The following SND1 variants were observed in gnomAD, a reference collection of about 807,000 sequenced individuals.
SND1 encodes the protein staphylococcal nuclease and tudor domain containing 1, also known as staphylococcal nuclease domain-containing protein 1.
SND1 carries 38 observed loss-of-function variants against 121.7 expected under a neutral mutation model. The ratio of observed to expected loss-of-function variants is 0.31; its 90% CI spans 0.24 to 0.41. SND1 has a LOEUF of 0.41. Among genes scored for constraint, SND1 ranks in the 10% least tolerant of loss-of-function variants. The probability of loss-of-function intolerance (pLI) is 1.00; values close to 1 mark genes in which losing one functional copy is unlikely to be tolerated. For synonymous variants in SND1, 401 were observed against 447.4 expected (o/e 0.90, Z 1.31); for missense variants, 868 against 1,184.6 (o/e 0.73, Z 3.92).
intron 12 of SND1, among the ~76,000 whole-genome samples, chr7:127,854,580 AT>A (rs1799235839): frequency 7.3e-6 from 1 of 137,448 alleles, no homozygotes; most frequent in African/African-American, 2.6e-5. Context: ...TTATTTATTT[AT>A]TTAGAATAGT....
intron 10 of SND1, among the ~76,000 whole-genome samples, chr7:127,741,260 A>G (rs1305415716): frequency 3.9e-5 from 6 of 152,208 alleles, no homozygotes; most frequent in Non-Finnish European, 1.5e-5. Context: ...ATTTCATTCC[A>G]GGCTTGATTT....
chr7:127,755,145 T>A (rs1023716154), intron 10 of SND1, among the ~76,000 whole-genome samples: 3 of 152,182 alleles, frequency 2.0e-5, no homozygotes, highest in African/African-American at 7.2e-5. Flanking sequence ...ATAACTGATA[T>A]CTACTTCCTG....
intron 15 of SND1, among the ~76,000 whole-genome samples, chr7:127,944,005 C>T (rs899178689): frequency 6.6e-6 from 1 of 152,334 alleles, no homozygotes; most frequent in Admixed American, 6.5e-5. Context: ...AGCCATCCAG[C>T]CCTCTTGCAG....
chr7:127,998,719 G>A (rs562053900), intron 16 of SND1: 2 of 152,236 alleles, frequency 1.3e-5, no homozygotes, highest in Non-Finnish European at 2.9e-5. Flanking sequence ...AATGAAAGTG[G>A]CATCACAAGG....
At chr7:127,798,194 T>A (rs540581089) in intron 10 of SND1, among the ~76,000 whole-genome samples, 1 of 152,338 alleles carries the variant, frequency 6.6e-6, no homozygotes, top group Non-Finnish European at 1.5e-5. Flanking sequence ...TTGCTTTACT[T>A]CTTCCCTCTT....
In SND1 at chr7:127,694,451, A is replaced by G. The variant is rs1299624851; in HGVS notation, c.229-377A>G. Among the ~76,000 whole-genome samples, 17 of 152,200 alleles carry G rather than the reference A, an allele frequency of 1.1e-4. No homozygotes were observed. In the South Asian group the frequency reaches 1.2e-3, roughly 11 times the overall value. On this transcript the variant is annotated intron_variant, in intron 2 of 23. Transcript: ENST00000354725. ...CCCATTTGAAGGAGTGGGTTGATAT[A>G]TATACAGCATTTAGAGCAGTGGCTG...
chr7:127,824,381 C>T (rs1455894062), intron 11 of SND1, among the ~76,000 whole-genome samples: 1 of 152,108 alleles, frequency 6.6e-6, no homozygotes, highest in Non-Finnish European at 1.5e-5. Flanking sequence ...AAGCCATATT[C>T]CGTGATGTAG....
At position 127,733,138 on chromosome 7, in the gene SND1, T is replaced by TG. The variant is rs959210043; in HGVS notation, c.1152+11739dup. Among the ~76,000 whole-genome samples, 53 of 152,186 alleles carry TG rather than the reference T, an allele frequency of 3.5e-4. 3 individuals are homozygous for TG. ...TTGGTCTTCATTATTACTGTCTTGG[T>TG]GTTGGTCAGGATTAATATAAGGGAG... On this transcript the variant is annotated intron_variant, in intron 10 of 23. Transcript: ENST00000354725.
At chr7:127,958,708 A>G (rs1801658000) in intron 15 of SND1, among the ~76,000 whole-genome samples, 1 of 152,062 alleles carries the variant, frequency 6.6e-6, no homozygotes. Context: ...TGCCTGCTCC[A>G]TTTTGAAAGA....
At chr7:127,798,272 C>T (rs971895387) in intron 10 of SND1, among the ~76,000 whole-genome samples, 12 of 152,172 alleles carry the variant, frequency 7.9e-5, no homozygotes, top group Non-Finnish European at 1.5e-4. Context: ...AAGACTGTTT[C>T]TTGGAATTGC....
chr7:127,777,588 A>T (rs1246510636), intron 10 of SND1, among the ~76,000 whole-genome samples: 1 of 152,216 alleles, frequency 6.6e-6, no homozygotes, highest in Non-Finnish European at 1.5e-5. Context: ...ATGAGATGGG[A>T]TATTACATTA....
intron 16 of SND1, among the ~76,000 whole-genome samples, chr7:128,062,048 C>G (rs192986330): frequency 1.6e-3 from 246 of 152,364 alleles, no homozygotes; most frequent in Non-Finnish European, 2.9e-3. Flanking sequence ...CCACAGTGTC[C>G]AGATCTTCTC....
intron 15 of SND1, among the ~76,000 whole-genome samples, chr7:127,972,013 A>G (rs1249849443): frequency 6.6e-6 from 1 of 151,796 alleles, no homozygotes; most frequent in Non-Finnish European, 1.5e-5. Flanking sequence ...GAGCTCAGAC[A>G]GTCCACCCGC....
intron 10 of SND1, among the ~76,000 whole-genome samples, chr7:127,744,883 G>T (rs1796949876): frequency 6.6e-6 from 1 of 152,196 alleles, no homozygotes; most frequent in South Asian, 2.1e-4. Flanking sequence ...CAAACTCTGA[G>T]ATGAACACGA....
At chr7:127,756,709 C>T (rs1797203424) in intron 10 of SND1, among the ~76,000 whole-genome samples, 1 of 152,222 alleles carries the variant, frequency 6.6e-6, no homozygotes, top group Admixed American at 6.5e-5. Context: ...CCCCAAATCA[C>T]TTACCTGTCC....
chr7:127,686,057 A>G (rs1247915058), intron 1 of SND1: 1 of 152,232 alleles, frequency 6.6e-6, no homozygotes, highest in Non-Finnish European at 1.5e-5. Flanking sequence ...CACCTAGCTG[A>G]TTTTGTATTT....
At chr7:128,090,628 A>G (rs1157462508) in intron 22 of SND1, among the ~76,000 whole-genome samples, 1 of 152,064 alleles carries the variant, frequency 6.6e-6, no homozygotes, top group Non-Finnish European at 1.5e-5. Context: ...TGAAAACCAA[A>G]CACTTTCCTC....
chr7:127,836,430 G>C (rs370393849), intron 11 of SND1, among the ~76,000 whole-genome samples: 12 of 152,152 alleles, frequency 7.9e-5, no homozygotes, highest in Non-Finnish European at 1.5e-4. Flanking sequence ...GATTTGGAAG[G>C]GGGTGTTAGA....
intron 16 of SND1, among the ~76,000 whole-genome samples, chr7:128,005,671 T>C (rs1563085989): frequency 6.6e-6 from 1 of 152,214 alleles, no homozygotes; most frequent in Non-Finnish European, 1.5e-5. Context: ...CCTGCTTTGA[T>C]AGGAATGAGA....
Sources: gnomAD v4.1 joint callset for allele counts (sites outside exome capture counted in the v4.1 genomes callset) on GRCh38, gnomAD v4.1.1 for gene constraint, MANE v1.5 for transcripts, NCBI Gene and HGNC (gene_info 2026-07-23, HGNC 2026-07-21) for gene names.